Variants in NUP107 observed in about 807,000 individuals in gnomAD.
NUP107 encodes nuclear pore complex protein Nup107.
In NUP107, 101 loss-of-function variants were observed where a neutral mutation model predicts 141.0. The observed-to-expected ratio is 0.72, with a 90% CI of 0.61 to 0.84. The LOEUF (loss-of-function observed/expected upper bound fraction) is 0.84. Among genes scored for constraint, NUP107 ranks in the 40% least tolerant of loss-of-function variants. The probability of loss-of-function intolerance (pLI) is 0.00; values close to 1 mark genes in which losing one functional copy is unlikely to be tolerated. For missense variants in NUP107, 941 were observed against 1,102.7 expected, an observed-to-expected ratio of 0.85 and a Z score of 2.08; for synonymous variants, 319 against 363.9, an observed-to-expected ratio of 0.88 and a Z score of 1.41.
intron 6 of NUP107, among the ~76,000 whole-genome samples, chr12:68,698,619 G>T (rs1357767482): frequency 1.3e-5 from 2 of 152,130 alleles, no homozygotes; most frequent in Admixed American, 6.5e-5. Context: ...AAAGAAACTG[G>T]CTATCAAGCC....
intron 6 of NUP107, among the ~76,000 whole-genome samples, chr12:68,698,805 G>C (rs892115984): frequency 6.6e-6 from 1 of 152,156 alleles, no homozygotes; most frequent in Non-Finnish European, 1.5e-5. Flanking sequence ...TGAATAGGTA[G>C]AACACAGGAT....
chr12:68,741,744 C>G (rs1266130560), intron 26 of NUP107, 69 bp from the exon 27 acceptor site: 2 of 1,449,586 alleles, frequency 1.4e-6, no homozygotes, highest in Non-Finnish European at 1.9e-6. Context: ...TGATTCAGTA[C>G]CTGGCTTTTC....
intron 20 of NUP107, among the ~76,000 whole-genome samples, chr12:68,729,683 T>C (rs1232070453): frequency 6.6e-6 from 1 of 151,918 alleles, no homozygotes; most frequent in Non-Finnish European, 1.5e-5. Context: ...CCTCAGGTGA[T>C]CCAGCAGCCT....
chr12:68,710,194 T>G, intron 10 of NUP107, 101 bp downstream of exon 10: 2 of 620,272 alleles, frequency 3.2e-6, no homozygotes, highest in Non-Finnish European at 2.8e-6. Context: ...CACACTACTT[T>G]GTTCACACTA....
In NUP107 at chr12:68,731,292, C is replaced by T. The variant is rs776670798; in HGVS notation, c.1885+32C>T. ...ATGGTTGAAAACTTTGTCTTTTGGC[C>T]TTTCTAGGCAAATGTTCATTTTGGC... On this transcript the variant is annotated intron_variant, in intron 21 of 27. Coordinates refer to ENST00000229179, the MANE Select transcript of NUP107 (RefSeq NM_020401.4). The T allele has an allele frequency of 2.6e-6, 4 of 1,567,720 alleles. No individual in the cohort carries two copies. The African/African-American group carries it at 4.1e-5, about 16-fold the overall frequency.
chr12:68,735,395 C>A (rs2136049127), intron 26 of NUP107, 51 bp downstream of exon 26: 6 of 1,266,396 alleles, frequency 4.7e-6, no homozygotes, highest in South Asian at 1.2e-5. Context: ...TCACCATGTT[C>A]TTTTTTAAAA....
intron 6 of NUP107, among the ~76,000 whole-genome samples, chr12:68,700,060 G>A (rs1876253233): frequency 2.0e-5 from 3 of 151,898 alleles, no homozygotes; most frequent in Non-Finnish European, 4.4e-5. Context: ...ACACCACCAT[G>A]CCTGGCTAAT....
intron 26 of NUP107, among the ~76,000 whole-genome samples, chr12:68,737,509 C>T (rs999318408): frequency 2.1e-5 from 3 of 140,690 alleles, no homozygotes; most frequent in Admixed American, 7.7e-5. Context: ...TGCAGTGAGC[C>T]GAGATCGTGC....
At chr12:68,726,746 G>C (rs1174518778) in intron 19 of NUP107, 129 bp downstream of exon 19, 2 of 644,252 alleles carry the variant, frequency 3.1e-6, no homozygotes, top group Non-Finnish European at 5.4e-6. Flanking sequence ...CTTCCATATA[G>C]TCTTGTATAG....
intron 26 of NUP107, among the ~76,000 whole-genome samples, chr12:68,741,254 G>A (rs1256148098): frequency 1.3e-5 from 2 of 151,870 alleles, no homozygotes; most frequent in African/African-American, 4.8e-5. Flanking sequence ...TTTTCTGCTT[G>A]TTTTCCTTAT....
intron 19 of NUP107, 28 bp downstream of exon 19, chr12:68,726,645 C>T: frequency 7.3e-7 from 1 of 1,362,136 alleles, no homozygotes; most frequent in Non-Finnish European, 1.0e-6. Context: ...ATTTCTTCTT[C>T]TCTGTAATGT....
intron 5 of NUP107, 192 bp downstream of exon 5, chr12:68,692,304 G>T: frequency 1.9e-6 from 1 of 533,978 alleles, no homozygotes. Flanking sequence ...TCTGTTGCCG[G>T]GCGCGGTGGC....
In NUP107 at chr12:68,729,496, G is replaced by T. The variant is rs143918536; in HGVS notation, c.1735-1614G>T. 9.4e-3 allele frequency among the ~76,000 whole-genome samples: 1,421 copies of T among 151,412 alleles called. 12 individuals carry two copies. Among genetic ancestry groups the T allele is most frequent in the South Asian group, 0.021 (100 of 4,784 alleles). On this transcript the variant is annotated intron_variant, in intron 20 of 27. Coordinates refer to ENST00000229179, the MANE Select transcript of NUP107 (RefSeq NM_020401.4). ...TTGATGCCCGGGCTGGAGTGTAGTG[G>T]CATGATCTTGGCTCACTGCCACTGC...
chr12:68,708,253 T>C (rs114199614), intron 8 of NUP107, among the ~76,000 whole-genome samples: 379 of 152,196 alleles, frequency 2.5e-3, no homozygotes, highest in African/African-American at 8.8e-3. Context: ...GTCTAACTTA[T>C]GAGGATATAT....
intron 1 of NUP107, chr12:68,687,640 A>G (rs1875562936): frequency 1.0e-6 from 1 of 985,704 alleles, no homozygotes. Context: ...AACTATCAGG[A>G]AGACCCCTCA....
intron 12 of NUP107, among the ~76,000 whole-genome samples, chr12:68,716,966 C>T (rs193141261): frequency 1.5e-4 from 23 of 151,960 alleles, no homozygotes; most frequent in African/African-American, 4.8e-4. Flanking sequence ...GGCGCGATCT[C>T]GGCTCACTGC....
chr12:68,716,575 A>C (rs1050270997), intron 12 of NUP107, among the ~76,000 whole-genome samples: 1 of 152,132 alleles, frequency 6.6e-6, no homozygotes, highest in Non-Finnish European at 1.5e-5. Flanking sequence ...GTTTAGAATA[A>C]ACCTAACCCT....
chr12:68,713,624 A>T, intron 10 of NUP107, 106 bp from the exon 11 acceptor site: 1 of 791,118 alleles, frequency 1.3e-6, no homozygotes, highest in African/African-American at 1.8e-5. Context: ...GCATGTTTTT[A>T]CTGGGATTGT....
intron 17 of NUP107, among the ~76,000 whole-genome samples, chr12:68,724,584 A>T (rs758699424): frequency 1.3e-4 from 20 of 152,040 alleles, no homozygotes; most frequent in Admixed American, 1.0e-3. Context: ...TGAGACCGGC[A>T]TGGACAACAT....
Sources: allele counts gnomAD v4.1 joint callset (sites outside exome capture counted in the v4.1 genomes callset), GRCh38; gene constraint gnomAD v4.1.1; transcripts MANE v1.5; gene names NCBI Gene and HGNC (gene_info 2026-07-23, HGNC 2026-07-21).